Variants in MFN1 observed in about 807,000 individuals in gnomAD.
The protein encoded by MFN1 is mitofusin-1.
In MFN1, 65 loss-of-function variants were observed where a neutral mutation model predicts 92.4. The observed-to-expected ratio is 0.70, with a 90% CI of 0.58 to 0.86. MFN1 has a LOEUF of 0.86. Among genes scored for constraint, MFN1 ranks in the 40% least tolerant of loss-of-function variants. The pLI, the probability that MFN1 is intolerant of heterozygous loss-of-function variation, is 0.00. For missense variants in MFN1, 781 were observed against 868.0 expected (o/e 0.90, Z 1.26); for synonymous variants, 297 against 300.9 (o/e 0.99, Z 0.13).
At chr3:179,369,887 G>A (rs1712954729) in intron 9 of MFN1, among the ~76,000 whole-genome samples, 1 of 152,104 alleles carries the variant, frequency 6.6e-6, no homozygotes, top group Non-Finnish European at 1.5e-5. Context: ...GGAAAAAATT[G>A]CTTATGAGCA....
rs1713922574 is a variant in MFN1, at chr3:179,392,056, C to G, written c.2223C>G (p.Ser741=). The G allele has an allele frequency of 1.9e-6, 3 of 1,603,380 alleles. No homozygotes were observed. The African/African-American group carries it at 4.0e-5, about 21-fold the overall frequency. ...KQFLPSSNEE[S] ...TTCTACCTTCAAGCAATGAAGAATCCTAACAATAGAGATTGCTTTGGTGAC... is the reference window on the plus strand; with the variant it reads ...TTCTACCTTCAAGCAATGAAGAATCGTAACAATAGAGATTGCTTTGGTGAC... Residue 741 remains serine, a synonymous_variant, in exon 18 of 18, where the codon TCC becomes TCG. Transcript: ENST00000471841.
chr3:179,350,849 CTTTTTG>C (rs1185873298), intron 2 of MFN1, among the ~76,000 whole-genome samples: 19 of 152,070 alleles, frequency 1.2e-4, no homozygotes, highest in African/African-American at 3.6e-4. Flanking sequence ...CCAGATGAAT[CTTTTTG>C]TTTTTGTTTT....
In MFN1 at chr3:179,370,392, C is replaced by CTTTTTTTTTTTTTTTTTTTT. The variant is rs34938438; in HGVS notation, c.975+2293_975+2312dup. 3.4e-5 allele frequency among the ~76,000 whole-genome samples: 3 copies of CTTTTTTTTTTTTTTTTTTTT among 88,068 alleles called. 1 individual carries two copies. Among genetic ancestry groups the CTTTTTTTTTTTTTTTTTTTT allele is most frequent in the Non-Finnish European group, 6.2e-5 (3 of 48,270 alleles). 57.8% of individuals were successfully genotyped at this position (88,068 alleles called of 152,430 possible). A position where few individuals can be genotyped will look rare whatever the true frequency, so the allele number is the denominator to read the frequency against. ...TTTTTGGGGTTTCATTCACTAAGTT[C>CTTTTTTTTTTTTTTTTTTTT]TTTTTTTTTTTTTTTTTTTTTTTGA... On this transcript the variant is annotated intron_variant, in intron 9 of 17. Transcript: ENST00000471841.
At position 179,385,630 on chromosome 3, in the gene MFN1, C is replaced by T. The variant is rs1713653874; in HGVS notation, c.1724C>T (p.Ala575Val). Reference protein sequence around the residue: ...APTTPATPDNASQEELMITLV... With the variant: ...APTTPATPDNVSQEELMITLV... ...ACCACTCCAGCAACGCCAGATAATG[C>T]ATCACAGGAAGAACTCATGATTACA... is the stretch of plus-strand genomic sequence containing the variant. Residue 575 changes from alanine to valine, a missense_variant, in exon 15 of 18, where the codon GCA becomes GTA. Transcript: ENST00000471841. 1 of 1,613,526 alleles carries T rather than the reference C, an allele frequency of 6.2e-7. No individual in the cohort carries two copies. The highest frequency in any genetic ancestry group is 1.3e-5 in the African/African-American group (1 of 74,828).
At chr3:179,352,080 C>T (rs374686474) in intron 3 of MFN1, 45 bp downstream of exon 3, 1 of 1,536,326 alleles carries the variant, frequency 6.5e-7, no homozygotes, top group Admixed American at 1.8e-5. Flanking sequence ...CAGGAATCAG[C>T]TTTGTGTCTG....
intron 3 of MFN1, among the ~76,000 whole-genome samples, 166 bp from the exon 4 acceptor site, chr3:179,358,674 C>T (rs1172016525): frequency 6.6e-6 from 1 of 152,204 alleles, no homozygotes; most frequent in African/African-American, 2.4e-5. Context: ...CTGAAATGTA[C>T]ATTGCTAGTA....
rs201427681 is a variant in MFN1, at chr3:179,385,564, G to A, written c.1663-5G>A. ...TCTTTTTTCCTTTCTCTTTTTTTTT[G>A]GCAGCTCCCTAGATCTTTAGCTTCT... is the stretch of plus-strand genomic sequence containing the variant. On this transcript the variant is annotated splice_region_variant and splice_polypyrimidine_tract_variant and intron_variant, in intron 14 of 17. Coordinates refer to ENST00000471841, the MANE Select transcript of MFN1 (RefSeq NM_033540.3). The A allele has an allele frequency of 3.2e-6, 4 of 1,261,406 alleles. No individual in the cohort carries two copies. In the East Asian group the frequency reaches 8.8e-5, roughly 28 times the overall value. The allele number at this position is 1,261,406 out of a possible 1,614,324, so 78.1% of individuals were successfully genotyped here. A position where few individuals can be genotyped will look rare whatever the true frequency, so the allele number is the denominator to read the frequency against.
chr3:179,382,697 A>C (rs1453652916), intron 14 of MFN1, among the ~76,000 whole-genome samples: 1 of 152,186 alleles, frequency 6.6e-6, no homozygotes, highest in Non-Finnish European at 1.5e-5. Flanking sequence ...AACAGTGTAA[A>C]AGTGTTCCTA....
In MFN1 at chr3:179,364,685, C is replaced by G. The variant is rs568672494; in HGVS notation, c.645+280C>G. Among the ~76,000 whole-genome samples the G allele has an allele frequency of 5.3e-4, 80 of 152,260 alleles. 1 individual carries two copies. Among genetic ancestry groups the G allele is most frequent in the African/African-American group, 1.8e-3 (75 of 41,560 alleles). ...AATGAGTGCCAGAAATTTTAGGATG[C>G]TTATTTAAGTCTCTTGAATAAAGTA... On this transcript the variant is annotated intron_variant, in intron 6 of 17. Transcript: ENST00000471841.
At chr3:179,352,776 G>C (rs1227944882) in intron 3 of MFN1, among the ~76,000 whole-genome samples, 1 of 151,972 alleles carries the variant, frequency 6.6e-6, no homozygotes, top group Non-Finnish European at 1.5e-5. Context: ...CCCTGAGAGG[G>C]AGTCTCACTC....
At chr3:179,368,493 A>G (rs947412850) in intron 9 of MFN1, among the ~76,000 whole-genome samples, 9 of 152,358 alleles carry the variant, frequency 5.9e-5, no homozygotes, top group East Asian at 3.9e-4. Context: ...TTTGTGCCGC[A>G]TGACTAATAG....
At chr3:179,387,791 C>T (rs1411537540) in intron 16 of MFN1, among the ~76,000 whole-genome samples, 8 of 148,416 alleles carry the variant, frequency 5.4e-5, no homozygotes, top group Admixed American at 5.4e-4. Context: ...TGCAGTAGCA[C>T]GATCTCGGCT....
intron 6 of MFN1, 34 bp downstream of exon 6, chr3:179,364,439 T>C: frequency 6.9e-7 from 1 of 1,451,612 alleles, no homozygotes; most frequent in Non-Finnish European, 9.6e-7. Flanking sequence ...GTTTCGATGG[T>C]AGGAAATGAA....
chr3:179,391,217 A>C (rs1284765128), intron 17 of MFN1, among the ~76,000 whole-genome samples: 2 of 152,138 alleles, frequency 1.3e-5, no homozygotes, highest in East Asian at 3.8e-4. Context: ...TAAGTTTTTA[A>C]ATAGTATTTC....
chr3:179,383,225 C>G (rs937820207), intron 14 of MFN1, among the ~76,000 whole-genome samples: 13 of 152,182 alleles, frequency 8.5e-5, no homozygotes, highest in African/African-American at 3.1e-4. Flanking sequence ...GTCTTTAATG[C>G]ATCTTGAATT....
At position 179,392,894 on chromosome 3, in the gene MFN1, A is replaced by G. The variant is rs1008865482; in HGVS notation, c.*835A>G. The G allele has an allele frequency of 6.6e-6, 1 of 152,186 alleles. No individual in the cohort carries two copies. Among genetic ancestry groups the G allele is most frequent in the African/African-American group, 2.4e-5 (1 of 41,448 alleles). The allele number at this position is 152,186 out of a possible 1,614,324, so 9.4% of individuals were successfully genotyped here. ...ATATTGCTGGATTATACCCCATTGGAGGCTTTTAATTTTATTTGTATGAAT... is the reference window on the plus strand; with the variant it reads ...ATATTGCTGGATTATACCCCATTGGGGGCTTTTAATTTTATTTGTATGAAT... On this transcript the variant is annotated 3_prime_UTR_variant, in exon 18 of 18. Transcript: ENST00000471841.
At chr3:179,357,554 CTAAAGGAAAGAGGTAAA>C (rs1484983958) in intron 3 of MFN1, among the ~76,000 whole-genome samples, 1 of 152,096 alleles carries the variant, frequency 6.6e-6, no homozygotes, top group African/African-American at 2.4e-5. Context: ...CCCTCTTATG[CTAAAGGAAAGAGGTAAA>C]ACATATGCCG....
chr3:179,388,466 A>G lies in MFN1; in HGVS notation c.2013-1538A>G, dbSNP rs113443281. The stretch of plus-strand genomic sequence containing the variant: ...TACAACTTAAATATTTGTTTCATTC[A>G]TGTGGTAAAAATATATAGAACTCCA... On this transcript the variant is annotated intron_variant, in intron 16 of 17. Coordinates refer to ENST00000471841, the MANE Select transcript of MFN1 (RefSeq NM_033540.3). 6.0e-4 allele frequency among the ~76,000 whole-genome samples: 92 copies of G among 152,284 alleles called. No individual in the cohort carries two copies. The East Asian group carries it at 8.9e-3, about 15-fold the overall frequency.
At chr3:179,351,346 G>A (rs112661782) in intron 2 of MFN1, among the ~76,000 whole-genome samples, 5 of 152,322 alleles carry the variant, frequency 3.3e-5, no homozygotes, top group African/African-American at 1.2e-4. Context: ...TGGTATGGCT[G>A]TAGATAGGAT....
Sources: allele counts gnomAD v4.1 joint callset (sites outside exome capture counted in the v4.1 genomes callset), GRCh38; gene constraint gnomAD v4.1.1; transcripts MANE v1.5; gene names NCBI Gene and HGNC (gene_info 2026-07-23, HGNC 2026-07-21).